CRYBG1: variants seen among roughly 807,000 people sequenced by gnomAD.
The protein encoded by CRYBG1 is crystallin beta-gamma domain containing 1.
In CRYBG1, 139 loss-of-function variants were observed where a neutral mutation model predicts 189.2. The ratio of observed to expected loss-of-function variants is 0.73; its 90% confidence interval spans 0.64 to 0.85. The LOEUF is 0.85. CRYBG1 is among the 40% of genes least tolerant of loss of function. CRYBG1 has a pLI of 0.00. For missense variants in CRYBG1, 2,611 were observed against 2,675.8 expected, an observed-to-expected ratio of 0.98 and a Z score of 0.53; for synonymous variants, 1,023 against 1,017.1, an observed-to-expected ratio of 1.01 and a Z score of -0.11.
At chr6:106,441,812 C>T (rs1295945565) in intron 1 of CRYBG1, among the ~76,000 whole-genome samples, 3 of 151,840 alleles carry the variant, frequency 2.0e-5, no homozygotes, top group African/African-American at 2.4e-5. Context: ...AAGTGGAACA[C>T]GATGAAACTG....
At chr6:106,429,496 C>G (rs1484304743) in intron 1 of CRYBG1, among the ~76,000 whole-genome samples, 1 of 152,182 alleles carries the variant, frequency 6.6e-6, no homozygotes, top group African/African-American at 2.4e-5. Context: ...ATACAAAATA[C>G]TTTAAGTCAC....
Position 106,555,858 on chromosome 6 carries a change from G to T in CRYBG1, c.5676G>T (p.Pro1892=). The T allele has an allele frequency of 2.5e-6, 4 of 1,614,194 alleles. No homozygotes were observed. Among genetic ancestry groups the T allele is most frequent in the Non-Finnish European group, 3.4e-6 (4 of 1,180,010 alleles). Residue 1892 remains proline (P), a synonymous_variant, in exon 17 of 22, where the codon CCG becomes CCT. Coordinates refer to ENST00000633556, the MANE Select transcript of CRYBG1 (RefSeq NM_001371242.2). ...CTTGTCTGTCTGCAATGGGATGCCC[G>T]CCTGGAGCAACTTTCAAGTCTCTTC... ...HYPCLSAMGC[P]PGATFKSLRF...
intron 1 of CRYBG1, among the ~76,000 whole-genome samples, chr6:106,399,499 A>G (rs1275885612): frequency 4.6e-5 from 7 of 152,132 alleles, no homozygotes; most frequent in Non-Finnish European, 8.8e-5. Context: ...CATTTGAACA[A>G]CTTTCTGGAT....
At chr6:106,491,244 G>A (rs765464234) in intron 2 of CRYBG1, among the ~76,000 whole-genome samples, 12 of 152,162 alleles carry the variant, frequency 7.9e-5, no homozygotes, top group Non-Finnish European at 1.8e-4. Flanking sequence ...GCATGCAAAA[G>A]GACTGACTCC....
intron 6 of CRYBG1, among the ~76,000 whole-genome samples, chr6:106,526,443 C>T (rs766138963): frequency 1.3e-5 from 2 of 152,062 alleles, no homozygotes; most frequent in South Asian, 2.1e-4. Context: ...CAACTTTTGT[C>T]GGCTTCTTTT....
chr6:106,477,273 A>G (rs1463243537), intron 2 of CRYBG1, among the ~76,000 whole-genome samples: 1 of 152,236 alleles, frequency 6.6e-6, no homozygotes, highest in East Asian at 1.9e-4. Flanking sequence ...TATGGGGTAC[A>G]TACTTTTAAG....
chr6:106,401,730 A>C, intron 1 of CRYBG1, among the ~76,000 whole-genome samples: 1 of 121,354 alleles, frequency 8.2e-6, no homozygotes, highest in East Asian at 2.3e-4. Context: ...TACAAAGGAC[A>C]TGAACTCATC....
intron 1 of CRYBG1, among the ~76,000 whole-genome samples, chr6:106,445,686 G>A (rs1288087703): frequency 6.6e-6 from 1 of 152,178 alleles, no homozygotes; most frequent in Admixed American, 6.5e-5. Context: ...TTTTGCAGAT[G>A]AAGAAACTGA....
At chr6:106,531,851 T>A (rs951346470) in intron 8 of CRYBG1, among the ~76,000 whole-genome samples, 5 of 152,000 alleles carry the variant, frequency 3.3e-5, no homozygotes, top group African/African-American at 1.2e-4. Flanking sequence ...AACCTTCCTC[T>A]CCCAGAAGAG....
intron 21 of CRYBG1, among the ~76,000 whole-genome samples, chr6:106,565,378 C>A (rs9486399): frequency 8.1e-4 from 123 of 151,646 alleles, no homozygotes; most frequent in African/African-American, 2.7e-3. Flanking sequence ...TAAAAAACAA[C>A]TTTTCTGGAT....
chr6:106,543,396 G>A, intron 10 of CRYBG1, 44 bp from the exon 11 acceptor site: 1 of 1,541,132 alleles, frequency 6.5e-7, no homozygotes, highest in South Asian at 1.1e-5. Context: ...TAAGCTGTTG[G>A]GATACTTCTT....
At chr6:106,442,054 TA>T (rs1771576242) in intron 1 of CRYBG1, among the ~76,000 whole-genome samples, 1 of 152,154 alleles carries the variant, frequency 6.6e-6, no homozygotes, top group South Asian at 2.1e-4. Context: ...TATAAAAGAA[TA>T]TATTGAATAG....
chr6:106,407,219 A>G (rs899628194), intron 1 of CRYBG1, among the ~76,000 whole-genome samples: 2 of 152,210 alleles, frequency 1.3e-5, no homozygotes, highest in African/African-American at 4.8e-5. Context: ...AGCAAAAAAA[A>G]AGCAGGGGTT....
rs1774522468 is a variant in CRYBG1, at chr6:106,555,740, T to A, written c.5586-28T>A. On this transcript the variant is annotated intron_variant, in intron 16 of 21. Transcript: ENST00000633556. ...AGGAGTGCTCAAGTTGCATATTCTG[T>A]GCATGTGTGTGGTTTTTCCCATTGT... is the stretch of plus-strand genomic sequence containing the variant. 4 of 1,613,368 alleles carry A rather than the reference T, an allele frequency of 2.5e-6. No homozygotes were observed. In the South Asian group the frequency reaches 4.4e-5, roughly 18 times the overall value.
intron 2 of CRYBG1, among the ~76,000 whole-genome samples, chr6:106,506,892 G>T (rs933972350): frequency 6.6e-6 from 1 of 152,068 alleles, no homozygotes; most frequent in Non-Finnish European, 1.5e-5. Context: ...AAATTTAGCA[G>T]AATTTATTTA....
intron 1 of CRYBG1, among the ~76,000 whole-genome samples, chr6:106,375,770 A>G (rs1029701660): frequency 5.3e-5 from 8 of 152,212 alleles, no homozygotes; most frequent in African/African-American, 1.9e-4. Flanking sequence ...AGGCTTCACC[A>G]TATTGAGTAG....
intron 2 of CRYBG1, among the ~76,000 whole-genome samples, chr6:106,511,022 C>T (rs1329155734): frequency 6.6e-6 from 1 of 152,150 alleles, no homozygotes; most frequent in African/African-American, 2.4e-5. Flanking sequence ...AAAAGTCCGC[C>T]TTAGGATACT....
chr6:106,480,499 G>GAAA (rs71703000), intron 2 of CRYBG1, among the ~76,000 whole-genome samples: 1 of 109,700 alleles, frequency 9.1e-6, no homozygotes, highest in African/African-American at 3.1e-5. Context: ...TTTCTCTACT[G>GAAA]AAAAAAAAAA....
At chr6:106,389,986 T>C (rs897730954) in intron 1 of CRYBG1, among the ~76,000 whole-genome samples, 5 of 152,152 alleles carry the variant, frequency 3.3e-5, no homozygotes, top group African/African-American at 9.6e-5. Flanking sequence ...TGTGTAAACC[T>C]TTGGAAAAAT....
Sources: allele counts gnomAD v4.1 joint callset (sites outside exome capture counted in the v4.1 genomes callset), GRCh38; gene constraint gnomAD v4.1.1; transcripts MANE v1.5; gene names NCBI Gene and HGNC (gene_info 2026-07-23, HGNC 2026-07-21).